The following AUTS2 variants were observed in gnomAD, a reference collection of about 807,000 sequenced individuals.
The protein encoded by AUTS2 is autism susceptibility gene 2 protein.
In AUTS2, 17 loss-of-function variants were observed where a neutral mutation model predicts 112.4. The observed-to-expected ratio is 0.15, with a 90% CI of 0.10 to 0.23. AUTS2 has a LOEUF of 0.23. AUTS2 is among the 10% of genes least tolerant of loss of function. AUTS2 has a pLI of 1.00. For missense variants in AUTS2, 1,510 were observed against 1,701.6 expected (o/e 0.89, Z 1.98); for synonymous variants, 751 against 702.7 (o/e 1.07, Z -1.09).
intron 5 of AUTS2, among the ~76,000 whole-genome samples, chr7:70,460,422 C>T (rs1796917911): frequency 7.5e-6 from 1 of 133,794 alleles, no homozygotes; most frequent in South Asian, 2.5e-4. Flanking sequence ...ACGATCTTGG[C>T]TCACTGCAAG....
intron 2 of AUTS2, among the ~76,000 whole-genome samples, chr7:70,076,805 C>A (rs1803057566): frequency 6.6e-6 from 1 of 152,160 alleles, no homozygotes; most frequent in African/African-American, 2.4e-5. Context: ...AAGAATGTAT[C>A]TTGACAGTAC....
chr7:70,650,347 G>T (rs62456804), intron 5 of AUTS2, among the ~76,000 whole-genome samples: 4,861 of 152,264 alleles, frequency 0.032, 107 homozygotes, highest in East Asian at 0.079. Context: ...CCTGCCCACA[G>T]CATGGCGCCA....
chr7:70,758,777 G>T (rs1178529787), intron 6 of AUTS2, among the ~76,000 whole-genome samples: 1 of 152,172 alleles, frequency 6.6e-6, no homozygotes, highest in Non-Finnish European at 1.5e-5. Flanking sequence ...AAAATGTGTT[G>T]CTGCCAATTT....
At chr7:69,630,491 C>T (rs1158129784) in intron 1 of AUTS2, among the ~76,000 whole-genome samples, 1 of 152,140 alleles carries the variant, frequency 6.6e-6, no homozygotes, top group Non-Finnish European at 1.5e-5. Context: ...TTGTGAATCA[C>T]AGCGTGACCT....
At chr7:69,876,148 C>T (rs1469492069) in intron 1 of AUTS2, among the ~76,000 whole-genome samples, 12 of 149,980 alleles carry the variant, frequency 8.0e-5, no homozygotes, top group Admixed American at 7.3e-4. Flanking sequence ...GGGCAGTTCA[C>T]GCGGTCAGGA....
At chr7:70,384,595 A>G (rs1793524429) in intron 4 of AUTS2, among the ~76,000 whole-genome samples, 1 of 152,112 alleles carries the variant, frequency 6.6e-6, no homozygotes, top group South Asian at 2.1e-4. Context: ...CGGTGCCAAG[A>G]GCTTGTCTGT....
At chr7:70,619,759 A>C (rs2129536501) in intron 5 of AUTS2, among the ~76,000 whole-genome samples, 1 of 152,236 alleles carries the variant, frequency 6.6e-6, no homozygotes, top group Non-Finnish European at 1.5e-5. Context: ...TAAGTAGAAG[A>C]GAAGAGGGAA....
chr7:70,715,102 C>G (rs1810283015), intron 6 of AUTS2, among the ~76,000 whole-genome samples: 1 of 152,176 alleles, frequency 6.6e-6, no homozygotes, highest in African/African-American at 2.4e-5. Context: ...AACTAGAGTT[C>G]TTTGGTTACA....
intron 1 of AUTS2, among the ~76,000 whole-genome samples, chr7:69,879,162 G>C (rs1793930298): frequency 6.6e-6 from 1 of 151,276 alleles, no homozygotes; most frequent in South Asian, 2.1e-4. Context: ...GTGTGTTTGA[G>C]ACAGGGTCTT....
chr7:70,755,919 TAAC>T (rs1421260868), intron 6 of AUTS2, among the ~76,000 whole-genome samples: 2 of 152,176 alleles, frequency 1.3e-5, no homozygotes, highest in South Asian at 2.1e-4. Context: ...CTGTGTTTAA[TAAC>T]AAAGTGAACA....
chr7:69,700,476 A>G (rs1445555346), intron 1 of AUTS2, among the ~76,000 whole-genome samples: 1 of 152,046 alleles, frequency 6.6e-6, no homozygotes, highest in Non-Finnish European at 1.5e-5. Context: ...GTCTCCTGGA[A>G]TTCTGTGGCT....
intron 5 of AUTS2, among the ~76,000 whole-genome samples, chr7:70,586,110 G>A (rs1400616743): frequency 6.6e-6 from 1 of 152,068 alleles, no homozygotes; most frequent in African/African-American, 2.4e-5. Context: ...TGATCCTCCT[G>A]CCTCAGCCTC....
At chr7:70,192,089 G>T (rs1232285677) in intron 4 of AUTS2, among the ~76,000 whole-genome samples, 2 of 152,116 alleles carry the variant, frequency 1.3e-5, no homozygotes, top group Non-Finnish European at 2.9e-5. Flanking sequence ...CACTTAACTT[G>T]ATTGAATCTC....
intron 2 of AUTS2, among the ~76,000 whole-genome samples, chr7:69,936,780 A>G (rs552527372): frequency 6.6e-6 from 1 of 152,320 alleles, no homozygotes; most frequent in Non-Finnish European, 1.5e-5. Flanking sequence ...AAATACAGTA[A>G]TGTGAGAGTC....
chr7:70,599,083 C>T (rs1343063167), intron 5 of AUTS2, among the ~76,000 whole-genome samples: 2 of 152,334 alleles, frequency 1.3e-5, no homozygotes, highest in African/African-American at 2.4e-5. Context: ...TCTTTGGTTC[C>T]CTGCATAGGC....
At chr7:70,592,875 G>A (rs1185089111) in intron 5 of AUTS2, among the ~76,000 whole-genome samples, 1 of 152,068 alleles carries the variant, frequency 6.6e-6, no homozygotes, top group Admixed American at 6.6e-5. Flanking sequence ...TATTAGAGAC[G>A]GTCTTGCTCT....
chr7:70,411,506 T>C (rs932313148), intron 4 of AUTS2, among the ~76,000 whole-genome samples: 1 of 152,098 alleles, frequency 6.6e-6, no homozygotes, highest in African/African-American at 2.4e-5. Context: ...GGGCACAGCA[T>C]AGGTAAACAC....
chr7:70,571,111 A>G (rs1019296682), intron 5 of AUTS2, among the ~76,000 whole-genome samples: 1 of 152,216 alleles, frequency 6.6e-6, no homozygotes, highest in Non-Finnish European at 1.5e-5. Context: ...TAAAAGCACA[A>G]TGTTTGACAT....
At chr7:70,505,921 T>G (rs905906588) in intron 5 of AUTS2, among the ~76,000 whole-genome samples, 4 of 152,246 alleles carry the variant, frequency 2.6e-5, no homozygotes, top group African/African-American at 9.6e-5. Flanking sequence ...CAGTAATGTC[T>G]TAGCTCCTTA....
Sources: gnomAD v4.1 joint callset for allele counts (sites outside exome capture counted in the v4.1 genomes callset) on GRCh38, gnomAD v4.1.1 for gene constraint, MANE v1.5 for transcripts, NCBI Gene and HGNC (gene_info 2026-07-23, HGNC 2026-07-21) for gene names.